DLG2: variants seen among roughly 807,000 people sequenced by gnomAD.
DLG2 encodes the protein disks large homolog 2.
DLG2 carries 45 observed loss-of-function variants against 132.5 expected under a neutral mutation model. That is an observed-to-expected ratio of 0.34 (90% CI 0.27 to 0.44). The LOEUF is 0.44. Ranked by LOEUF, DLG2 falls within the 20% of genes least tolerant of loss-of-function variation. DLG2 has a pLI of 1.00. For missense variants in DLG2, 1,045 were observed against 1,196.9 expected (o/e 0.87, Z 1.87); for synonymous variants, 424 against 419.6 (o/e 1.01, Z -0.13).
At chr11:84,069,387 C>G (rs886865301) in intron 10 of DLG2, among the ~76,000 whole-genome samples, 1 of 152,160 alleles carries the variant, frequency 6.6e-6, no homozygotes, top group African/African-American at 2.4e-5. Context: ...TGGAACAAAG[C>G]CTCTAAGGGA....
chr11:85,170,332 C>T (rs2078760365), intron 4 of DLG2, among the ~76,000 whole-genome samples: 1 of 152,128 alleles, frequency 6.6e-6, no homozygotes. Flanking sequence ...CAGCAGGATA[C>T]TTGCCTCGTA....
intron 7 of DLG2, among the ~76,000 whole-genome samples, chr11:84,255,392 C>A (rs763018485): frequency 6.6e-6 from 1 of 152,144 alleles, no homozygotes. Flanking sequence ...GGTGCAATCT[C>A]GGCTCACTGC....
chr11:84,435,791 T>C (rs565998053), intron 7 of DLG2, among the ~76,000 whole-genome samples: 5 of 152,268 alleles, frequency 3.3e-5, no homozygotes, highest in African/African-American at 9.6e-5. Context: ...TTCTATACAC[T>C]GAATTTTATA....
intron 3 of DLG2, among the ~76,000 whole-genome samples, chr11:85,399,005 C>T (rs901145085): frequency 1.3e-5 from 2 of 152,090 alleles, no homozygotes; most frequent in East Asian, 3.9e-4. Flanking sequence ...TGTTTGCAGA[C>T]CACATGATTG....
intron 6 of DLG2, among the ~76,000 whole-genome samples, chr11:84,668,930 G>A (rs1311755772): frequency 2.0e-5 from 3 of 152,092 alleles, no homozygotes; most frequent in Non-Finnish European, 4.4e-5. Flanking sequence ...CACTGTTCTA[G>A]GTACCAGCAA....
chr11:85,292,135 C>T (rs1392116447), intron 3 of DLG2, among the ~76,000 whole-genome samples: 1 of 152,120 alleles, frequency 6.6e-6, no homozygotes, highest in African/African-American at 2.4e-5. Flanking sequence ...TATCCAATTT[C>T]CTTATCCTGT....
intron 6 of DLG2, among the ~76,000 whole-genome samples, chr11:84,888,361 G>C (rs1462664765): frequency 6.6e-6 from 1 of 152,086 alleles, no homozygotes; most frequent in Non-Finnish European, 1.5e-5. Context: ...TCTTGAGCTG[G>C]GCTATCTATC....
intron 6 of DLG2, among the ~76,000 whole-genome samples, chr11:84,703,120 C>T (rs757025632): frequency 5.9e-5 from 9 of 151,482 alleles, no homozygotes; most frequent in Non-Finnish European, 1.3e-4. Context: ...AGGGGCTTAC[C>T]TTATTAGAGA....
chr11:85,286,146 C>T (rs1253923332), intron 3 of DLG2: 2 of 448,268 alleles, frequency 4.5e-6, no homozygotes, highest in Non-Finnish European at 8.9e-6. Context: ...GTCAAGGAAA[C>T]TATACAAAAG....
In DLG2 at chr11:85,064,841, A is replaced by G. The variant is rs369035948; in HGVS notation, c.357+46820T>C. ...GAAGAGAGAATTCTATCTCAAGATT[A>G]TAACATACAAATTCTGCCTTAGTTT... On this transcript the variant is annotated intron_variant, in intron 6 of 27. Transcript: ENST00000376104. Among the ~76,000 whole-genome samples, 39 of 151,672 alleles carry G rather than the reference A, an allele frequency of 2.6e-4. No individual in the cohort carries two copies. The East Asian group carries it at 7.2e-3, about 28-fold the overall frequency.
intron 7 of DLG2, among the ~76,000 whole-genome samples, chr11:84,442,757 T>C (rs1268108951): frequency 1.3e-5 from 2 of 151,536 alleles, no homozygotes; most frequent in Non-Finnish European, 2.9e-5. Flanking sequence ...AGAATGGCCT[T>C]GTTACAAATG....
intron 7 of DLG2, among the ~76,000 whole-genome samples, chr11:84,305,167 T>C (rs181260261): frequency 1.4e-3 from 212 of 152,320 alleles, no homozygotes; most frequent in African/African-American, 4.9e-3. Context: ...CAGATAAGTC[T>C]TGGCACAAAA....
chr11:85,351,636 C>T (rs1004029462), intron 3 of DLG2, among the ~76,000 whole-genome samples: 8 of 152,090 alleles, frequency 5.3e-5, no homozygotes, highest in Non-Finnish European at 1.2e-4. Flanking sequence ...TGAATTTTGT[C>T]GAAGGCCTTT....
rs1190986625 is a variant in DLG2, at chr11:84,279,855, C to CT, written c.520-28565dup. Reference sequence around the variant, plus strand: ...GGATAGAATTAGGAGCATTTATTAACTTTTTTTTAAAGAAACAAAACTAAT... The same window carrying CT: ...GGATAGAATTAGGAGCATTTATTAACTTTTTTTTTAAAGAAACAAAACTAAT... On this transcript the variant is annotated intron_variant, in intron 7 of 27. Coordinates refer to ENST00000376104, the MANE Select transcript of DLG2 (RefSeq NM_001142699.3). Among the ~76,000 whole-genome samples the CT allele has an allele frequency of 3.9e-5, 6 of 152,028 alleles. No homozygotes were observed. In the East Asian group the frequency reaches 9.7e-4, roughly 24 times the overall value.
intron 6 of DLG2, among the ~76,000 whole-genome samples, chr11:84,733,948 A>C (rs933121416): frequency 6.6e-6 from 1 of 152,090 alleles, no homozygotes; most frequent in African/African-American, 2.4e-5. Flanking sequence ...AGATGGTTGT[A>C]GATATGTGGT....
rs182176453 is a variant in DLG2, at chr11:85,458,137, T to C, written c.40+140520A>G. ...CTTGGAGGTTTTGTTCATTCTTTTA[T>C]ATTCTTTCTTCTTCATTTTTGTCTG... On this transcript the variant is annotated intron_variant, in intron 3 of 27. Coordinates refer to ENST00000376104, the MANE Select transcript of DLG2 (RefSeq NM_001142699.3). 1.6e-4 allele frequency among the ~76,000 whole-genome samples: 25 copies of C among 152,358 alleles called. 1 individual carries two copies. The highest frequency in any genetic ancestry group is 4.1e-4 in the African/African-American group (17 of 41,580).
chr11:83,491,012 T>C (rs1047152761), intron 21 of DLG2, among the ~76,000 whole-genome samples: 1 of 152,084 alleles, frequency 6.6e-6, no homozygotes, highest in Non-Finnish European at 1.5e-5. Flanking sequence ...ACTTTTTATA[T>C]GTTTAAAAAT....
rs1015315239 is a variant in DLG2, at chr11:85,537,787, C to G, written c.40+60870G>C. Among the ~76,000 whole-genome samples the G allele has an allele frequency of 1.3e-5, 2 of 151,948 alleles. 1 individual carries two copies. Among genetic ancestry groups the G allele is most frequent in the African/African-American group, 4.9e-5 (2 of 41,230 alleles). ...AGAAACTCTGGACACATCTGAACAT[C>G]TGAAGGAACAAACTGCGGACACATC... On this transcript the variant is annotated intron_variant, in intron 3 of 27. Coordinates refer to ENST00000376104, the MANE Select transcript of DLG2 (RefSeq NM_001142699.3).
At chr11:84,835,555 G>C (rs1314089232) in intron 6 of DLG2, among the ~76,000 whole-genome samples, 3 of 151,744 alleles carry the variant, frequency 2.0e-5, no homozygotes, top group Non-Finnish European at 4.4e-5. Flanking sequence ...GTTATGCAGT[G>C]ATTTGTCTTA....
Sources: gnomAD v4.1 joint callset for allele counts (sites outside exome capture counted in the v4.1 genomes callset) on GRCh38, gnomAD v4.1.1 for gene constraint, MANE v1.5 for transcripts, NCBI Gene and HGNC (gene_info 2026-07-23, HGNC 2026-07-21) for gene names.